The following SYT14 variants were observed in gnomAD, a reference collection of about 807,000 sequenced individuals.
SYT14 encodes synaptotagmin-14.
SYT14 carries 32 observed loss-of-function variants against 74.2 expected under a neutral mutation model. That is an observed-to-expected ratio of 0.43 (90% CI 0.33 to 0.58). The LOEUF is 0.58. Ranked by LOEUF, SYT14 falls within the 20% of genes least tolerant of loss-of-function variation. SYT14 has a pLI of 0.05. For synonymous variants in SYT14, 298 were observed against 337.7 expected (o/e 0.88, Z 1.29); for missense variants, 791 against 981.8 (o/e 0.81, Z 2.60).
Position 210,003,232 on chromosome 1 carries a change from C to T in SYT14, c.-485-10401C>T, listed in dbSNP as rs191485738. Reference sequence around the variant, plus strand: ...TGTCATACATCAGAATCCATGTGTGCAAGTGTCTGTGTCTGGCCTTTTGGT... The same window carrying T: ...TGTCATACATCAGAATCCATGTGTGTAAGTGTCTGTGTCTGGCCTTTTGGT... On this transcript the variant is annotated intron_variant, in intron 2 of 9. Transcript: ENST00000637265. 2.0e-5 allele frequency among the ~76,000 whole-genome samples: 3 copies of T among 152,288 alleles called. No individual in the cohort carries two copies. The East Asian group carries it at 5.8e-4, about 29-fold the overall frequency.
intron 2 of SYT14, among the ~76,000 whole-genome samples, chr1:210,012,763 G>A (rs545293342): frequency 3.3e-5 from 5 of 150,276 alleles, no homozygotes; most frequent in South Asian, 4.2e-4. Flanking sequence ...GTGCAGTGGC[G>A]CGATCTCGGC....
Position 210,084,108 on chromosome 1 carries a change from G to A in SYT14, c.1313-10214G>A, listed in dbSNP as rs558829430. Among the ~76,000 whole-genome samples the A allele has an allele frequency of 1.5e-3, 227 of 152,216 alleles. 1 individual carries two copies. Among genetic ancestry groups the A allele is most frequent in the African/African-American group, 5.2e-3 (214 of 41,542 alleles). ...CATTACTTACAACAGACATTTTAGCGCCACTTGGTTTGCTGGGTCTCAAAG... is the reference window on the plus strand; with the variant it reads ...CATTACTTACAACAGACATTTTAGCACCACTTGGTTTGCTGGGTCTCAAAG... On this transcript the variant is annotated intron_variant, in intron 5 of 9. Coordinates refer to ENST00000637265, the Ensembl canonical transcript of SYT14.
intron 5 of SYT14, among the ~76,000 whole-genome samples, chr1:210,092,929 A>G (rs2081902267): frequency 6.6e-6 from 1 of 152,232 alleles, no homozygotes; most frequent in Middle Eastern, 3.2e-3. Flanking sequence ...GATGATTTAA[A>G]GTATATGGGA....
At chr1:209,973,049 A>G (rs892633026) in intron 2 of SYT14, among the ~76,000 whole-genome samples, 7 of 152,126 alleles carry the variant, frequency 4.6e-5, no homozygotes, top group Non-Finnish European at 1.0e-4. Flanking sequence ...GTATGTATTT[A>G]GGATAGTTAA....
At chr1:210,100,194 A>G in exon 7 of SYT14, 1 of 1,614,076 alleles carries the variant, frequency 6.2e-7, no homozygotes, top group Non-Finnish European at 8.5e-7. Flanking sequence ...ACTCATGGCA[A>G]GTACACCTTG....
At chr1:209,978,252 C>T (rs928110947) in intron 2 of SYT14, among the ~76,000 whole-genome samples, 13 of 152,214 alleles carry the variant, frequency 8.5e-5, no homozygotes, top group Admixed American at 3.3e-4. Context: ...TGGTGAGGAG[C>T]TGCGTTCCTT....
At chr1:210,036,194 G>T (rs1331847193) in intron 5 of SYT14, among the ~76,000 whole-genome samples, 1 of 151,602 alleles carries the variant, frequency 6.6e-6, no homozygotes, top group South Asian at 2.1e-4. Context: ...TTTGTAGCTT[G>T]TTATAAATGG....
At chr1:210,093,846 A>T (rs954538267) in intron 5 of SYT14, among the ~76,000 whole-genome samples, 1 of 152,200 alleles carries the variant, frequency 6.6e-6, no homozygotes, top group African/African-American at 2.4e-5. Context: ...ATGCTAGTTT[A>T]AGTTCATCTC....
intron 2 of SYT14, among the ~76,000 whole-genome samples, chr1:209,967,911 A>G (rs546981271): frequency 1.2e-4 from 18 of 152,282 alleles, no homozygotes; most frequent in Non-Finnish European, 1.6e-4. Flanking sequence ...CAAGTAGCAC[A>G]TATCATGTAA....
chr1:210,032,874 CTATT>C lies in SYT14; in HGVS notation c.1312+11627_1312+11630del, dbSNP rs1291818316. Among the ~76,000 whole-genome samples, 76 of 74,846 alleles carry C rather than the reference CTATT, an allele frequency of 1.0e-3. 4 individuals are homozygous for C. The highest frequency in any genetic ancestry group is 4.3e-4 in the East Asian group (1 of 2,314). The allele number at this position is 74,846 out of a possible 152,430, so 49.1% of individuals were successfully genotyped here. A position where few individuals can be genotyped will look rare whatever the true frequency, so the allele number is the denominator to read the frequency against. On this transcript the variant is annotated intron_variant, in intron 5 of 9. Transcript: ENST00000637265. ...ATAGAAGCGTACCTATACGTTTGCA[CTATT>C]TATTTAAGTATTCTCAATTTGTTCA...
chr1:210,155,014 T>C (rs1408174377), intron 7 of SYT14, among the ~76,000 whole-genome samples: 1 of 152,206 alleles, frequency 6.6e-6, no homozygotes, highest in South Asian at 2.1e-4. Flanking sequence ...ATGTACCCAG[T>C]GATTATGGAT....
intron 2 of SYT14, among the ~76,000 whole-genome samples, chr1:209,977,840 C>T (rs965267244): frequency 9.2e-5 from 14 of 152,196 alleles, no homozygotes; most frequent in African/African-American, 3.1e-4. Flanking sequence ...CTTTCAGGTA[C>T]ACCAATCAGA....
At chr1:210,042,766 A>G (rs1323795804) in intron 5 of SYT14, among the ~76,000 whole-genome samples, 2 of 152,092 alleles carry the variant, frequency 1.3e-5, no homozygotes, top group Admixed American at 6.6e-5. Context: ...GCCTTGTAAT[A>G]TAGTTTGAAG....
rs1258606988 is a variant in SYT14, at chr1:210,122,019, C to T, written c.2034+21558C>T. Among the ~76,000 whole-genome samples, 8 of 16,714 alleles carry T rather than the reference C, an allele frequency of 4.8e-4. 1 individual carries two copies. The highest frequency in any genetic ancestry group is 1.9e-3 in the Admixed American group (2 of 1,052). 11.0% of individuals were successfully genotyped at this position (16,714 alleles called of 152,430 possible). A position where few individuals can be genotyped will look rare whatever the true frequency, so the allele number is the denominator to read the frequency against. On this transcript the variant is annotated intron_variant, in intron 7 of 9. Transcript: ENST00000637265. Reference sequence around the variant, plus strand: ...TTGAGACGGAGTCTCGCTCTGTCGCCCAGGCTGGAGTGCAGTGGTGGGATC... The same window carrying T: ...TTGAGACGGAGTCTCGCTCTGTCGCTCAGGCTGGAGTGCAGTGGTGGGATC...
rs72649939 is a variant in SYT14, at chr1:210,036,607, C to G, written c.1312+15353C>G. On this transcript the variant is annotated intron_variant, in intron 5 of 9. Transcript: ENST00000637265. ...TTTATTATTTTGAGATATGTTCCTTCTATATCTGGTTTGTTGAGAGATTTT... is the reference window on the plus strand; with the variant it reads ...TTTATTATTTTGAGATATGTTCCTTGTATATCTGGTTTGTTGAGAGATTTT... Among the ~76,000 whole-genome samples, 2,358 of 152,066 alleles carry G rather than the reference C, an allele frequency of 0.016. 186 individuals are homozygous for G. The East Asian group carries it at 0.25, about 16-fold the overall frequency.
At chr1:210,069,656 T>A (rs555359856) in intron 5 of SYT14, among the ~76,000 whole-genome samples, 6 of 152,158 alleles carry the variant, frequency 3.9e-5, no homozygotes, top group African/African-American at 1.4e-4. Flanking sequence ...TCTTTAATAT[T>A]CAACCTTTAT....
Position 209,949,151 on chromosome 1 carries a change from T to C in SYT14, c.-533-3558T>C, listed in dbSNP as rs79567490. Among the ~76,000 whole-genome samples, 176 of 152,308 alleles carry C rather than the reference T, an allele frequency of 1.2e-3. 2 individuals are homozygous for C. The East Asian group carries it at 0.032, about 28-fold the overall frequency. ...TAAAATTTGTACAAAGTTCAACATA[T>C]CTCTAACTGAAAAAGTATTTAAGCC... is the stretch of plus-strand genomic sequence containing the variant. On this transcript the variant is annotated intron_variant, in intron 1 of 9. Coordinates refer to ENST00000637265, the Ensembl canonical transcript of SYT14.
chr1:210,154,135 GA>G (rs2083222674), intron 7 of SYT14, among the ~76,000 whole-genome samples: 1 of 152,134 alleles, frequency 6.6e-6, no homozygotes, highest in Non-Finnish European at 1.5e-5. Flanking sequence ...GTGTATTTTG[GA>G]AAGGCTTTTA....
chr1:210,139,614 T>G (rs76528754), intron 7 of SYT14, among the ~76,000 whole-genome samples: 5 of 151,164 alleles, frequency 3.3e-5, no homozygotes. Flanking sequence ...ATTTTTATTA[T>G]CCCCGCCACG....
Sources: allele counts gnomAD v4.1 joint callset (sites outside exome capture counted in the v4.1 genomes callset), GRCh38; gene constraint gnomAD v4.1.1; transcripts MANE v1.5; gene names NCBI Gene and HGNC (gene_info 2026-07-23, HGNC 2026-07-21).